DNAH17: variants seen among roughly 807,000 people sequenced by gnomAD.
DNAH17 encodes the protein axonemal beta dynein heavy chain 17.
In DNAH17, 376 loss-of-function variants were observed where a neutral mutation model predicts 485.6. That is an observed-to-expected ratio of 0.77 (90% CI 0.71 to 0.84). The LOEUF is 0.84. DNAH17 is among the 40% of genes least tolerant of loss of function. The pLI is 0.00. For synonymous variants in DNAH17, 3,031 were observed against 2,405.9 expected, an observed-to-expected ratio of 1.26 and a Z score of -7.60; for missense variants, 6,370 against 5,839.3, an observed-to-expected ratio of 1.09 and a Z score of -2.96.
At chr17:78,528,237 AC>A (rs955907253) in intron 22 of DNAH17, among the ~76,000 whole-genome samples, 15 of 152,108 alleles carry the variant, frequency 9.9e-5, no homozygotes, top group Admixed American at 7.2e-4. Context: ...TCAGGGTGGG[AC>A]GGCTGAGAAC....
At chr17:78,525,281 GT>G in intron 24 of DNAH17, 120 bp from the exon 25 acceptor site, 1 of 1,399,776 alleles carries the variant, frequency 7.1e-7, no homozygotes, top group Non-Finnish European at 9.6e-7. Flanking sequence ...CTGGGAGGAG[GT>G]GTCCATACAA....
In DNAH17 at chr17:78,486,360, A is replaced by T. The variant is rs1287166844; in HGVS notation, c.6965T>A (p.Ile2322Asn). The T allele has an allele frequency of 8.1e-6, 13 of 1,613,704 alleles. No homozygotes were observed. Among genetic ancestry groups the T allele is most frequent in the Admixed American group, 1.7e-5 (1 of 59,990 alleles). ...CTCCAGCAGGTACAGAATCGTTTGG[A>T]TCACCGTGATCTCCGGCACTGGCGT... is the stretch of plus-strand genomic sequence containing the variant. ...KITPVPEITV[I>N]QTILYLLECL... Residue 2322 changes from isoleucine (I) to asparagine (N), a missense_variant, in exon 45 of 81, where the codon ATC (isoleucine) becomes AAC (asparagine). Transcript: ENST00000389840.
chr17:78,461,391 T>G (rs2088118064), intron 58 of DNAH17, among the ~76,000 whole-genome samples, 153 bp downstream of exon 58: 1 of 152,180 alleles, frequency 6.6e-6, no homozygotes, highest in Admixed American at 6.5e-5. Context: ...GAGAGACTCC[T>G]TCGGGGGTCC....
rs1213271570 is a variant in DNAH17 at position 78,505,435 on chromosome 17, T to G, written c.4814A>C (p.His1605Pro). Reference protein sequence around the residue: ...NGNDPVEVSRHLSKLFDSLCK... With the variant: ...NGNDPVEVSRPLSKLFDSLCK... ...CAGGCTATCGAAGAGTTTGGACAGGTGGCGGCTCACCTGGGAGGAGGCAAG... is the reference window on the plus strand; with the variant it reads ...CAGGCTATCGAAGAGTTTGGACAGGGGGCGGCTCACCTGGGAGGAGGCAAG... The change falls in exon 31 of 81, where the codon CAC becomes CCC. Residue 1605 changes from histidine to proline, a missense_variant. Physicochemically the swap from His to Pro is moderately conservative, Grantham distance 77. Transcript: ENST00000389840. The G allele has an allele frequency of 6.2e-7, 1 of 1,613,812 alleles. No individual in the cohort carries two copies. Among genetic ancestry groups the G allele is most frequent in the African/African-American group, 1.3e-5 (1 of 74,904 alleles).
rs909709973 is a variant in DNAH17, at chr17:78,492,768, G to A, written c.6409-3C>T. On this transcript the variant is annotated splice_polypyrimidine_tract_variant and splice_region_variant and intron_variant, in intron 41 of 80. Coordinates refer to ENST00000389840, the MANE Select transcript of DNAH17 (RefSeq NM_173628.4). ...GTCTTGTTGAGGGATTTGAGGACCT[G>A]GCGAAGGTGGGGGTCACTCACGTGT... 9 of 1,610,064 alleles carry A rather than the reference G, an allele frequency of 5.6e-6. No individual in the cohort carries two copies. Among genetic ancestry groups the A allele is most frequent in the Non-Finnish European group, 7.6e-6 (9 of 1,178,246 alleles).
Position 78,494,769 on chromosome 17 carries a change from C to T in DNAH17, c.6094G>A (p.Gly2032Ser), listed in dbSNP as rs753550278. The change falls in exon 40 of 81, where the codon GGC becomes AGC. Residue 2032 changes from glycine to serine, a missense_variant. Physicochemically the swap from Gly to Ser is moderately conservative, Grantham distance 56. Transcript: ENST00000389840. The stretch of plus-strand genomic sequence containing the variant: ...CTGGGGTCGCCCCTCTTCAGGGAGC[C>T]GGCCACCACCAGCACAGACTTGATG... ...RAIKSVLVVAGSLKRGDPSRA... is the reference protein window; with the variant it reads ...RAIKSVLVVASSLKRGDPSRA... 42 of 1,613,216 alleles carry T rather than the reference C, an allele frequency of 2.6e-5. No homozygotes were observed. In the East Asian group the frequency reaches 3.8e-4, roughly 15 times the overall value.
Position 78,485,713 on chromosome 17 carries a change from GAAGT to G in DNAH17, c.7316_7319del (p.Tyr2439SerfsTer12), listed in dbSNP as rs1417739001. ...AGGACTTCTCCATGAGCAGGTCCAT[GAAGT>G]AGCGGATGCGGATGGTTTCCGTGGT... On this transcript the variant is annotated frameshift_variant, in exon 47 of 81. Coordinates refer to ENST00000389840, the MANE Select transcript of DNAH17 (RefSeq NM_173628.4). LOFTEE classifies it high-confidence loss of function. 2.5e-6 allele frequency: 4 copies of G among 1,613,800 alleles called. No individual in the cohort carries two copies. Among genetic ancestry groups the G allele is most frequent in the Non-Finnish European group, 3.4e-6 (4 of 1,179,888 alleles).
intron 2 of DNAH17, 50 bp from the exon 3 acceptor site, chr17:78,572,944 G>C (rs112640076): frequency 1.9e-6 from 3 of 1,551,210 alleles, no homozygotes; most frequent in Admixed American, 3.7e-5. Flanking sequence ...TCACCAGCTC[G>C]GCAACCGCAC....
At chr17:78,445,726 G>A (rs768907109) in intron 69 of DNAH17, 46 bp from the exon 70 acceptor site, 10 of 1,571,444 alleles carry the variant, frequency 6.4e-6, no homozygotes, top group South Asian at 1.2e-5. Context: ...CCAGTAAAAC[G>A]TCAGCAGCCC....
In DNAH17 at chr17:78,527,841, C is replaced by T. The variant is rs542003397; in HGVS notation, c.3508-845G>A. On this transcript the variant is annotated intron_variant, in intron 22 of 80. Transcript: ENST00000389840. Reference sequence around the variant, plus strand: ...CTGCTGAGGCTGGAGTGCAGTGGTGCGATCTTGGCTCACCACAACCGCTGC... The same window carrying T: ...CTGCTGAGGCTGGAGTGCAGTGGTGTGATCTTGGCTCACCACAACCGCTGC... 7.9e-5 allele frequency among the ~76,000 whole-genome samples: 12 copies of T among 152,218 alleles called. No individual in the cohort carries two copies. The East Asian group carries it at 9.7e-4, about 12-fold the overall frequency.
intron 25 of DNAH17, among the ~76,000 whole-genome samples, chr17:78,520,053 G>C (rs2090895596): frequency 6.6e-6 from 1 of 152,256 alleles, no homozygotes; most frequent in South Asian, 2.1e-4. Context: ...AGAGGTTGCA[G>C]TGAGCCAAAA....
intron 54 of DNAH17, among the ~76,000 whole-genome samples, chr17:78,474,706 G>A (rs1219573908): frequency 3.9e-5 from 6 of 152,094 alleles, no homozygotes. Flanking sequence ...ACACTGGCTG[G>A]AAGGTTTCAC....
chr17:78,425,230 C>G lies in DNAH17; in HGVS notation c.13141+116G>C, dbSNP rs933695521. ...GATGCCCCCTGAGAGCACCTCTCTCCTGCCTGTCCCCACAGCTCTTGAACA... is the reference window on the plus strand; with the variant it reads ...GATGCCCCCTGAGAGCACCTCTCTCGTGCCTGTCCCCACAGCTCTTGAACA... On this transcript the variant is annotated intron_variant, in intron 80 of 80. Coordinates refer to ENST00000389840, the MANE Select transcript of DNAH17 (RefSeq NM_173628.4). The G allele has an allele frequency of 6.7e-5, 70 of 1,043,820 alleles. 1 individual carries two copies. The East Asian group carries it at 1.6e-3, about 23-fold the overall frequency. 64.7% of individuals were successfully genotyped at this position (1,043,820 alleles called of 1,614,324 possible).
At chr17:78,426,343 G>T in intron 79 of DNAH17, 114 bp downstream of exon 79, 2 of 1,298,840 alleles carry the variant, frequency 1.5e-6, no homozygotes, top group Non-Finnish European at 1.0e-6. Flanking sequence ...CAGAGGACAG[G>T]CCCCCAGGAG....
Position 78,479,488 on chromosome 17 carries a change from G to T in DNAH17, c.7897C>A (p.Leu2633Met). ...RISSQLVAAA[L>M]ALHQKITATF... ...GGGATGAGGCCAGCCAGCTTACCCA[G>T]GGCCGCGGCCACCAGCTGGCTGCTT... is the stretch of plus-strand genomic sequence containing the variant. Residue 2633 changes from leucine (L) to methionine (M), a missense_variant, in exon 50 of 81, where the codon CTG (leucine) becomes ATG (methionine). Leu to Met is a conservative substitution (Grantham distance 15). Transcript: ENST00000389840. 6.2e-7 allele frequency: 1 copy of T among 1,610,894 alleles called. No individual in the cohort carries two copies.
At chr17:78,517,911 G>A (rs1032655739) in intron 25 of DNAH17, among the ~76,000 whole-genome samples, 3 of 152,208 alleles carry the variant, frequency 2.0e-5, no homozygotes, top group Admixed American at 1.3e-4. Flanking sequence ...GGGCAGAGGT[G>A]AGGGCAAAGA....
chr17:78,477,261 G>A (rs535215854), intron 51 of DNAH17, among the ~76,000 whole-genome samples: 46 of 152,232 alleles, frequency 3.0e-4, no homozygotes, highest in Non-Finnish European at 5.7e-4. Context: ...AAGAAATAAG[G>A]TAATTGCACA....
intron 21 of DNAH17, among the ~76,000 whole-genome samples, chr17:78,530,065 G>T (rs982692560): frequency 3.9e-5 from 6 of 152,212 alleles, no homozygotes; most frequent in South Asian, 4.1e-4. Flanking sequence ...TTTGTTCAGC[G>T]CCAGCCTTCC....
At chr17:78,499,560 T>A (rs115705283) in intron 36 of DNAH17, 2,996 of 152,334 alleles carry the variant, frequency 0.02, 98 homozygotes, top group African/African-American at 0.068. Flanking sequence ...GAAGGACTCG[T>A]CCCATCTACA....
Sources: gnomAD v4.1 joint callset for allele counts (sites outside exome capture counted in the v4.1 genomes callset) on GRCh38, gnomAD v4.1.1 for gene constraint, MANE v1.5 for transcripts, NCBI Gene and HGNC (gene_info 2026-07-23, HGNC 2026-07-21) for gene names.